Variants in DNM3 observed in about 807,000 individuals in gnomAD.
DNM3 encodes dynamin 3.
A neutral mutation model predicts 101.6 loss-of-function variants in DNM3; 47 were observed. The observed-to-expected ratio is 0.46, with a 90% CI of 0.37 to 0.59. DNM3 has a LOEUF of 0.59. Among genes scored for constraint, DNM3 ranks in the 20% least tolerant of loss-of-function variants. The pLI, the probability that DNM3 is intolerant of heterozygous loss-of-function variation, is 0.00. For synonymous variants in DNM3, 385 were observed against 387.9 expected, an observed-to-expected ratio of 0.99 and a Z score of 0.09; for missense variants, 849 against 1,085.7, an observed-to-expected ratio of 0.78 and a Z score of 3.06.
At chr1:172,380,320 G>C (rs905580608) in intron 18 of DNM3, among the ~76,000 whole-genome samples, 2 of 152,020 alleles carry the variant, frequency 1.3e-5, no homozygotes, top group Non-Finnish European at 2.9e-5. Flanking sequence ...AATAGCCCTT[G>C]TTCATATTTC....
intron 15 of DNM3, among the ~76,000 whole-genome samples, chr1:172,277,735 G>A (rs773378653): frequency 2.2e-4 from 33 of 152,008 alleles, no homozygotes; most frequent in Non-Finnish European, 3.8e-4. Context: ...GAAAGCATTA[G>A]GATTCTTCAT....
intron 4 of DNM3, among the ~76,000 whole-genome samples, chr1:171,997,315 T>C (rs1409079796): frequency 2.0e-5 from 3 of 152,182 alleles, no homozygotes; most frequent in Non-Finnish European, 4.4e-5. Context: ...AAGCATAATT[T>C]CAGATTCATC....
At chr1:171,987,561 A>C in intron 2 of DNM3, 95 bp from the exon 3 acceptor site, 1 of 1,258,930 alleles carries the variant, frequency 7.9e-7, no homozygotes, top group Non-Finnish European at 1.1e-6. Flanking sequence ...AGAAGAGAGA[A>C]TATTGGATAC....
At chr1:172,019,933 C>T (rs996125229) in intron 4 of DNM3, among the ~76,000 whole-genome samples, 5 of 149,422 alleles carry the variant, frequency 3.3e-5, no homozygotes, top group Admixed American at 3.3e-4. Flanking sequence ...TTTTTTTATT[C>T]CCAGTCTGAT....
intron 4 of DNM3, among the ~76,000 whole-genome samples, chr1:171,993,421 A>G (rs1439793938): frequency 1.3e-5 from 2 of 150,804 alleles, no homozygotes; most frequent in African/African-American, 4.9e-5. Context: ...TCTGACCTCC[A>G]TGGTCAAAAT....
chr1:171,857,748 T>G (rs1398706774), intron 1 of DNM3, among the ~76,000 whole-genome samples: 1 of 152,206 alleles, frequency 6.6e-6, no homozygotes, highest in Non-Finnish European at 1.5e-5. Context: ...CATTATGGAC[T>G]GAACGTTTGT....
At chr1:171,869,595 T>C (rs2035084275) in intron 1 of DNM3, among the ~76,000 whole-genome samples, 2 of 152,364 alleles carry the variant, frequency 1.3e-5, no homozygotes, top group South Asian at 2.1e-4. Context: ...TGAATTTTTC[T>C]GGCTGTTCAT....
intron 17 of DNM3, among the ~76,000 whole-genome samples, chr1:172,336,311 A>G (rs1430588054): frequency 6.6e-6 from 1 of 152,160 alleles, no homozygotes; most frequent in African/African-American, 2.4e-5. Context: ...GGTTAAGTCT[A>G]GCGTTAATGC....
At chr1:172,183,767 ATTTTTTTTTTTTTT>A (rs376245976) in intron 14 of DNM3, among the ~76,000 whole-genome samples, 32 of 62,652 alleles carry the variant, frequency 5.1e-4, no homozygotes, top group African/African-American at 1.6e-3. Flanking sequence ...TGCCCAGCTA[ATTTTTTTTTTTTTT>A]TTTTTTTTTT....
intron 14 of DNM3, among the ~76,000 whole-genome samples, chr1:172,203,695 CTA>C (rs60543940): frequency 0.097 from 14,824 of 152,080 alleles, 937 homozygotes; most frequent in African/African-American, 0.17. Flanking sequence ...GAAAATTACT[CTA>C]TGTGTTAAAA....
At chr1:172,196,477 C>T (rs1305103600) in intron 14 of DNM3, among the ~76,000 whole-genome samples, 2 of 151,962 alleles carry the variant, frequency 1.3e-5, no homozygotes, top group African/African-American at 4.8e-5. Flanking sequence ...TTTGAGGAAT[C>T]ACCATACTGC....
At chr1:172,289,769 T>G (rs2063832927) in intron 15 of DNM3, 36 of 985,118 alleles carry the variant, frequency 3.7e-5, no homozygotes, top group Non-Finnish European at 4.1e-5. Flanking sequence ...TAGTAAACAG[T>G]GTGTAATTAT....
At position 171,885,355 on chromosome 1, in the gene DNM3, CT is replaced by C. The variant is rs541733268; in HGVS notation, c.162-36391del. ...TAAGCAAAACATCAAAACATACATA[CT>C]TATGTTGTACTTTTATTTTTCTTTC... On this transcript the variant is annotated intron_variant, in intron 1 of 20. Coordinates refer to ENST00000627582, the MANE Select transcript of DNM3 (RefSeq NM_015569.5). Among the ~76,000 whole-genome samples, 390 of 152,162 alleles carry C rather than the reference CT, an allele frequency of 2.6e-3. 4 individuals carry two copies. Among genetic ancestry groups the C allele is most frequent in the African/African-American group, 9.0e-3 (374 of 41,502 alleles).
At chr1:171,874,060 T>C (rs75331604) in intron 1 of DNM3, among the ~76,000 whole-genome samples, 14,136 of 152,230 alleles carry the variant, frequency 0.093, 821 homozygotes, top group South Asian at 0.23. Flanking sequence ...GACAGTTCTT[T>C]CCTTGAAACT....
chr1:172,164,034 C>A (rs1205857415), intron 14 of DNM3, among the ~76,000 whole-genome samples: 2 of 151,468 alleles, frequency 1.3e-5, no homozygotes, highest in Admixed American at 6.6e-5. Context: ...GTTTCCACAT[C>A]TTGGCTATTG....
At chr1:171,883,363 CCACACACA>C (rs71107337) in intron 1 of DNM3, among the ~76,000 whole-genome samples, 27,649 of 119,704 alleles carry the variant, frequency 0.23, 3,135 homozygotes, top group East Asian at 0.49. Flanking sequence ...CAAAAAAGGA[CCACACACA>C]CACACACACA....
At chr1:172,140,856 A>T (rs1392407665) in intron 14 of DNM3, among the ~76,000 whole-genome samples, 1 of 152,006 alleles carries the variant, frequency 6.6e-6, no homozygotes, top group African/African-American at 2.4e-5. Flanking sequence ...CCTGCCCCTA[A>T]ACTTGTTAAA....
At chr1:172,175,447 G>A (rs530952420) in intron 14 of DNM3, among the ~76,000 whole-genome samples, 71 of 151,726 alleles carry the variant, frequency 4.7e-4, no homozygotes, top group African/African-American at 1.6e-3. Context: ...ATTGTGCCAT[G>A]GGAAAAATAG....
At chr1:172,209,759 C>T (rs2060449518) in intron 14 of DNM3, among the ~76,000 whole-genome samples, 1 of 152,042 alleles carries the variant, frequency 6.6e-6, no homozygotes, top group Non-Finnish European at 1.5e-5. Flanking sequence ...AGTGATTTTT[C>T]AGTCTAATAT....
Sources: allele counts gnomAD v4.1 joint callset (sites outside exome capture counted in the v4.1 genomes callset), GRCh38; gene constraint gnomAD v4.1.1; transcripts MANE v1.5; gene names NCBI Gene and HGNC (gene_info 2026-07-23, HGNC 2026-07-21).